The following INTS2 variants were observed in gnomAD, a reference collection of about 807,000 sequenced individuals.
INTS2 encodes the protein integrator complex subunit 2, also known as KIAA1287.
In INTS2, 57 loss-of-function variants were observed where a neutral mutation model predicts 139.6. That is an observed-to-expected ratio of 0.41 (90% CI 0.33 to 0.51). The LOEUF (loss-of-function observed/expected upper bound fraction) is 0.51, where lower values mean the gene tolerates loss of function less well. Among genes scored for constraint, INTS2 ranks in the 20% least tolerant of loss-of-function variants. The pLI, the probability that INTS2 is intolerant of heterozygous loss-of-function variation, is 0.28. For synonymous variants in INTS2, 473 were observed against 493.4 expected (o/e 0.96, Z 0.55); for missense variants, 1,196 against 1,436.7 (o/e 0.83, Z 2.71).
chr17:61,877,012 T>C (rs186460992), intron 18 of INTS2, among the ~76,000 whole-genome samples: 17 of 152,292 alleles, frequency 1.1e-4, no homozygotes, highest in African/African-American at 3.6e-4. Context: ...GCATTTGAAA[T>C]ATTGCTTTAA....
chr17:61,894,774 G>T (rs968953647), intron 12 of INTS2, among the ~76,000 whole-genome samples: 2 of 151,892 alleles, frequency 1.3e-5, no homozygotes, highest in Non-Finnish European at 1.5e-5. Flanking sequence ...CTCCAACCCA[G>T]GAGGCAGAGG....
chr17:61,907,958 G>T (rs2079483322), intron 7 of INTS2, among the ~76,000 whole-genome samples: 1 of 152,204 alleles, frequency 6.6e-6, no homozygotes, highest in South Asian at 2.1e-4. Flanking sequence ...AAAATGCTCA[G>T]ATTTTGAAGA....
intron 11 of INTS2, among the ~76,000 whole-genome samples, chr17:61,896,738 G>A (rs908622939): frequency 1.3e-5 from 2 of 151,924 alleles, no homozygotes; most frequent in Non-Finnish European, 2.9e-5. Flanking sequence ...AACCAAATTT[G>A]CAAAGATTAA....
chr17:61,921,809 C>A lies in INTS2; in HGVS notation c.451G>T (p.Glu151Ter), dbSNP rs2079644053. The change falls in exon 4 of 25, where the codon GAA becomes TAA. Residue 151 changes from glutamate (E) to a stop codon, truncating the protein, a stop_gained. Transcript: ENST00000251334. LOFTEE classifies it high-confidence loss of function. ...AGTTCAGAAGACTTGAAAAAAAATT[C>A]TCCGTTGGACTCAGACACCTTAAAA... ...IMNKVSESNG[E>*]FFFKSSELFE... 1.3e-6 allele frequency: 2 copies of A among 1,590,228 alleles called. No homozygotes were observed. Among genetic ancestry groups the A allele is most frequent in the Non-Finnish European group, 1.7e-6 (2 of 1,166,170 alleles).
intron 9 of INTS2, among the ~76,000 whole-genome samples, chr17:61,902,858 TAAAA>T (rs1049738346): frequency 1.0e-5 from 1 of 98,088 alleles, no homozygotes; most frequent in East Asian, 2.8e-4. Flanking sequence ...TGAAAGAGCT[TAAAA>T]AAAAAAAAAA....
intron 11 of INTS2, among the ~76,000 whole-genome samples, chr17:61,895,924 T>A (rs1414525038): frequency 1.3e-5 from 2 of 151,794 alleles, no homozygotes; most frequent in Admixed American, 6.6e-5. Context: ...TTTCTAAGCA[T>A]AAGAGCAAAA....
chr17:61,915,280 G>C (rs1292894449), intron 5 of INTS2, among the ~76,000 whole-genome samples: 1 of 151,804 alleles, frequency 6.6e-6, no homozygotes, highest in Non-Finnish European at 1.5e-5. Flanking sequence ...AGAGGTTGCA[G>C]TGAGCCGAGA....
chr17:61,927,598 A>T lies in INTS2; in HGVS notation c.-19+56T>A. ...CCCTCAGGCTGAGCAAAGTCTGGCCAGGCTCCGACACGGACCTAGGAACGC... is the reference window on the plus strand; with the variant it reads ...CCCTCAGGCTGAGCAAAGTCTGGCCTGGCTCCGACACGGACCTAGGAACGC... On this transcript the variant is annotated intron_variant, in intron 1 of 24. Coordinates refer to ENST00000251334, the MANE Select transcript of INTS2 (RefSeq NM_001351695.2). 4 of 1,233,470 alleles carry T rather than the reference A, an allele frequency of 3.2e-6. No individual in the cohort carries two copies. In the South Asian group the frequency reaches 5.7e-5, roughly 17 times the overall value. The allele number at this position is 1,233,470 out of a possible 1,614,324, so 76.4% of individuals were successfully genotyped here. A position where few individuals can be genotyped will look rare whatever the true frequency, so the allele number is the denominator to read the frequency against.
Position 61,907,485 on chromosome 17 carries a change from C to T in INTS2, c.1104G>A (p.Gly368=), listed in dbSNP as rs2079477334. ...DMEPNVSVYS[G]LKEEHVVKAS... ...CTTTCACAACATGCTCTTCTTTCAG[C>T]CCCGAATACACAGACACATTGGGCT... The change falls in exon 8 of 25, where the codon GGG becomes GGA. Residue 368 remains glycine (G), a synonymous_variant. Coordinates refer to ENST00000251334, the MANE Select transcript of INTS2 (RefSeq NM_001351695.2). The T allele has an allele frequency of 1.2e-6, 2 of 1,602,844 alleles. No homozygotes were observed. The highest frequency in any genetic ancestry group is 1.7e-4 in the Middle Eastern group (1 of 6,054).
At chr17:61,922,728 T>C (rs1220261074) in intron 3 of INTS2, among the ~76,000 whole-genome samples, 1 of 151,520 alleles carries the variant, frequency 6.6e-6, no homozygotes, top group Non-Finnish European at 1.5e-5. Flanking sequence ...TTTATTAGAG[T>C]CACCAAGTGA....
chr17:61,888,100 A>T (rs2079247964), intron 15 of INTS2, among the ~76,000 whole-genome samples: 1 of 151,340 alleles, frequency 6.6e-6, no homozygotes, highest in Non-Finnish European at 1.5e-5. Context: ...GGTCAGGAGG[A>T]TCACTCACAC....
Position 61,866,375 on chromosome 17 carries a change from A to C in INTS2, c.*1182T>G, listed in dbSNP as rs896026603. 7.2e-5 allele frequency: 11 copies of C among 151,754 alleles called. No homozygotes were observed. Among genetic ancestry groups the C allele is most frequent in the Non-Finnish European group, 1.3e-4 (9 of 67,948 alleles). 9.4% of individuals were successfully genotyped at this position (151,754 alleles called of 1,614,324 possible). A position where few individuals can be genotyped will look rare whatever the true frequency, so the allele number is the denominator to read the frequency against. Reference sequence around the variant, plus strand: ...CCACCTCAGGAAAAAAAAAAAAAAAACACAAGTGAAGAGGTCTGTTTCAAG... The same window carrying C: ...CCACCTCAGGAAAAAAAAAAAAAAACCACAAGTGAAGAGGTCTGTTTCAAG... On this transcript the variant is annotated 3_prime_UTR_variant, in exon 25 of 25. Transcript: ENST00000251334.
At chr17:61,922,543 T>TATATATATATATACAC (rs1240177230) in intron 3 of INTS2, among the ~76,000 whole-genome samples, 4 of 125,682 alleles carry the variant, frequency 3.2e-5, no homozygotes, top group African/African-American at 1.1e-4. Flanking sequence ...TATATATATA[T>TATATATATATATACAC]ATACGTGTTC....
rs545977730 is a variant in INTS2 at position 61,875,059 on chromosome 17, T to G, written c.2457-21A>C. On this transcript the variant is annotated intron_variant, in intron 18 of 24. Transcript: ENST00000251334. The surrounding 1 kb of genome is among the most constrained non-coding windows in gnomAD (Gnocchi z 4.6). ...ATAGCCTGATAAGAAAATAATCACA[T>G]GTTCAAAACAGTTTTTTATATATTA... The G allele has an allele frequency of 1.3e-6, 2 of 1,553,760 alleles. No individual in the cohort carries two copies. Among genetic ancestry groups the G allele is most frequent in the East Asian group, 2.3e-5 (1 of 42,952 alleles).
intron 16 of INTS2, 108 bp from the exon 17 acceptor site, chr17:61,881,279 T>G: frequency 1.2e-6 from 1 of 845,524 alleles, no homozygotes; most frequent in African/African-American, 1.7e-5. Flanking sequence ...AAGAGGGTTA[T>G]GCTCTAAGTC....
chr17:61,919,497 G>A lies in INTS2; in HGVS notation c.552C>T (p.Leu184=), dbSNP rs1322827894. The change falls in exon 5 of 25, where the codon CTC becomes CTT. Residue 184 remains leucine (L), a synonymous_variant. Transcript: ENST00000251334. ...AAGCTTCAGCTACATCAACTATAGG[G>A]AGCAAGGAAGGGAGCTCTACAAGAA... ...CILQAELPSL[L]PIVDVAEALL... The A allele has an allele frequency of 3.9e-5, 61 of 1,583,162 alleles. No individual in the cohort carries two copies. Among genetic ancestry groups the A allele is most frequent in the Non-Finnish European group, 5.2e-5 (60 of 1,160,136 alleles).
chr17:61,920,526 C>T (rs112184860), intron 4 of INTS2, among the ~76,000 whole-genome samples: 9,172 of 145,490 alleles, frequency 0.063, 584 homozygotes, highest in South Asian at 0.29. Context: ...AGGTCTGCAG[C>T]CAGGCACAGT....
intron 9 of INTS2, among the ~76,000 whole-genome samples, chr17:61,903,563 G>C (rs1287363305): frequency 6.6e-6 from 1 of 151,684 alleles, no homozygotes; most frequent in Admixed American, 6.6e-5. Flanking sequence ...AACATCTGGA[G>C]AGAAGATTTA....
rs938099604 is a variant in INTS2 at position 61,866,989 on chromosome 17, TAA to T, written c.*566_*567del. 1.3e-5 allele frequency: 2 copies of T among 152,228 alleles called. No homozygotes were observed. Among genetic ancestry groups the T allele is most frequent in the African/African-American group, 4.8e-5 (2 of 41,468 alleles). The allele number at this position is 152,228 out of a possible 1,614,324, so 9.4% of individuals were successfully genotyped here. ...CATTTACAAAAGCTACTTGCCTTTT[TAA>T]AAGTCTTCTCAATACTCTTTCTTGA... On this transcript the variant is annotated 3_prime_UTR_variant, in exon 25 of 25. Coordinates refer to ENST00000251334, the MANE Select transcript of INTS2 (RefSeq NM_001351695.2).
Sources: allele counts gnomAD v4.1 joint callset (sites outside exome capture counted in the v4.1 genomes callset), GRCh38; gene constraint gnomAD v4.1.1; non-coding constraint Gnocchi (gnomAD v3.1); transcripts MANE v1.5; gene names NCBI Gene and HGNC (gene_info 2026-07-23, HGNC 2026-07-21).